Variants in MAGI1 observed in about 807,000 individuals in gnomAD.
MAGI1 encodes the protein membrane-associated guanylate kinase, WW and PDZ domain-containing protein 1.
In MAGI1, 58 loss-of-function variants were observed where a neutral mutation model predicts 139.9. That is an observed-to-expected ratio of 0.41 (90% CI 0.34 to 0.52). The LOEUF is 0.52. MAGI1 is among the 20% of genes least tolerant of loss of function. MAGI1 has a pLI of 0.12. For synonymous variants in MAGI1, 812 were observed against 737.9 expected, an observed-to-expected ratio of 1.10 and a Z score of -1.63; for missense variants, 1,874 against 1,901.6, an observed-to-expected ratio of 0.99 and a Z score of 0.27.
At chr3:66,004,475 C>T (rs2066911027) in intron 1 of MAGI1, among the ~76,000 whole-genome samples, 1 of 152,084 alleles carries the variant, frequency 6.6e-6, no homozygotes, top group Non-Finnish European at 1.5e-5. Flanking sequence ...AACAAGCATC[C>T]CAAGATAGCA....
At chr3:65,804,537 T>A (rs1202035091) in intron 1 of MAGI1, among the ~76,000 whole-genome samples, 2 of 152,134 alleles carry the variant, frequency 1.3e-5, no homozygotes, top group Admixed American at 1.3e-4. Flanking sequence ...ATTTACGTTA[T>A]TAAATCAAGT....
intron 5 of MAGI1, among the ~76,000 whole-genome samples, chr3:65,462,547 T>C (rs1472838407): frequency 6.6e-6 from 1 of 152,238 alleles, no homozygotes; most frequent in Non-Finnish European, 1.5e-5. Context: ...TAAAGTCAGA[T>C]AGCATGATGC....
intron 1 of MAGI1, among the ~76,000 whole-genome samples, chr3:65,714,109 G>A (rs530255773): frequency 3.3e-5 from 5 of 152,234 alleles, no homozygotes; most frequent in East Asian, 1.9e-4. Context: ...CTGGGTTGAC[G>A]TAAGGGTTAA....
intron 1 of MAGI1, among the ~76,000 whole-genome samples, chr3:66,029,935 C>T (rs2068505165): frequency 6.6e-6 from 1 of 152,160 alleles, no homozygotes; most frequent in Admixed American, 6.6e-5. Flanking sequence ...CCCTTGTTAC[C>T]GTCATTTCCC....
chr3:65,391,513 G>T lies in MAGI1; in HGVS notation c.2200-155C>A, dbSNP rs145610373. Among the ~76,000 whole-genome samples the T allele has an allele frequency of 2.3e-4, 35 of 152,304 alleles. 1 individual carries two copies. In the East Asian group the frequency reaches 6.2e-3, roughly 27 times the overall value. ...CACCTTTCTCCAGCTAATGCTGAATGTAGATAAATCCCCAGGTGACTGGCA... is the reference window on the plus strand; with the variant it reads ...CACCTTTCTCCAGCTAATGCTGAATTTAGATAAATCCCCAGGTGACTGGCA... On this transcript the variant is annotated intron_variant, in intron 13 of 22. Coordinates refer to ENST00000402939, the MANE Select transcript of MAGI1 (RefSeq NM_001033057.2).
At chr3:65,999,855 C>T (rs1035284917) in intron 1 of MAGI1, among the ~76,000 whole-genome samples, 1 of 151,798 alleles carries the variant, frequency 6.6e-6, no homozygotes, top group African/African-American at 2.4e-5. Flanking sequence ...GCCACTGTAA[C>T]CACACAGAGT....
At chr3:65,456,136 G>A (rs1257458158) in intron 5 of MAGI1, among the ~76,000 whole-genome samples, 1 of 152,242 alleles carries the variant, frequency 6.6e-6, no homozygotes, top group Non-Finnish European at 1.5e-5. Flanking sequence ...ATGGATGAGA[G>A]ATCCAGTTTC....
At chr3:65,890,576 AG>A (rs1259559207) in intron 1 of MAGI1, among the ~76,000 whole-genome samples, 1 of 152,246 alleles carries the variant, frequency 6.6e-6, no homozygotes, top group African/African-American at 2.4e-5. Context: ...AGGACTTGCA[AG>A]AACATTCCAA....
chr3:65,478,451 A>G, intron 4 of MAGI1, 141 bp downstream of exon 4: 1 of 732,196 alleles, frequency 1.4e-6, no homozygotes, highest in Non-Finnish European at 2.4e-6. Flanking sequence ...CTCTTCTGCA[A>G]GCACTGTGTG....
intron 1 of MAGI1, among the ~76,000 whole-genome samples, chr3:65,820,593 T>C (rs1486320275): frequency 5.1e-4 from 78 of 152,120 alleles, no homozygotes; most frequent in Non-Finnish European, 4.4e-5. Flanking sequence ...TTGAAAGCAA[T>C]TTCTTAAGTC....
intron 1 of MAGI1, among the ~76,000 whole-genome samples, chr3:65,979,210 C>A (rs2065440258): frequency 6.7e-6 from 1 of 149,390 alleles, no homozygotes; most frequent in Non-Finnish European, 1.5e-5. Flanking sequence ...CCAAATAAGG[C>A]ATAACCTCAG....
At chr3:65,378,070 T>C (rs998685537) in intron 17 of MAGI1, among the ~76,000 whole-genome samples, 1 of 152,236 alleles carries the variant, frequency 6.6e-6, no homozygotes, top group South Asian at 2.1e-4. Flanking sequence ...TTGTATTCCA[T>C]AGTAAGTAAC....
chr3:65,717,681 T>A (rs1309262209), intron 1 of MAGI1, among the ~76,000 whole-genome samples: 1 of 152,198 alleles, frequency 6.6e-6, no homozygotes, highest in African/African-American at 2.4e-5. Context: ...CATTCCCCTA[T>A]AGCTTCAAGC....
intron 1 of MAGI1, among the ~76,000 whole-genome samples, chr3:65,675,365 C>G (rs2087122857): frequency 6.6e-6 from 1 of 152,084 alleles, no homozygotes; most frequent in African/African-American, 2.4e-5. Flanking sequence ...AAGCTGCAGT[C>G]ATCAATCTCA....
chr3:65,824,323 C>T (rs1473701673), intron 1 of MAGI1, among the ~76,000 whole-genome samples: 4 of 152,152 alleles, frequency 2.6e-5, no homozygotes, highest in African/African-American at 9.7e-5. Flanking sequence ...GGCTTGCTTT[C>T]ACATCACATC....
chr3:65,898,056 C>T (rs2061056977), intron 1 of MAGI1, among the ~76,000 whole-genome samples: 1 of 152,182 alleles, frequency 6.6e-6, no homozygotes, highest in African/African-American at 2.4e-5. Context: ...CAGCCATAAA[C>T]AGCTTTTTCT....
intron 2 of MAGI1, among the ~76,000 whole-genome samples, chr3:65,581,335 G>A (rs1210167315): frequency 6.6e-6 from 1 of 151,872 alleles, no homozygotes; most frequent in East Asian, 1.9e-4. Context: ...GAATTTTACT[G>A]TCCAGTAAAA....
At chr3:65,516,604 C>T (rs2077892372) in intron 2 of MAGI1, among the ~76,000 whole-genome samples, 4 of 152,034 alleles carry the variant, frequency 2.6e-5, no homozygotes, top group Admixed American at 2.6e-4. Flanking sequence ...TCAGGCACTG[C>T]AAGTACTTTG....
At chr3:65,779,002 AGCTG>A (rs2038712849) in intron 1 of MAGI1, among the ~76,000 whole-genome samples, 1 of 152,204 alleles carries the variant, frequency 6.6e-6, no homozygotes. Flanking sequence ...CACACAGAAC[AGCTG>A]CCTGCTCCCA....
Sources: allele counts gnomAD v4.1 joint callset (sites outside exome capture counted in the v4.1 genomes callset), GRCh38; gene constraint gnomAD v4.1.1; transcripts MANE v1.5; gene names NCBI Gene and HGNC (gene_info 2026-07-23, HGNC 2026-07-21).